ARHGEF28: variants seen among roughly 807,000 people sequenced by gnomAD.
ARHGEF28 encodes Rho guanine nucleotide exchange factor 28.
Under a neutral mutation model 206.6 loss-of-function variants are expected in ARHGEF28, and 152 were observed. The ratio of observed to expected loss-of-function variants is 0.74; its 90% CI spans 0.64 to 0.84. The LOEUF is 0.84. Among genes scored for constraint, ARHGEF28 ranks in the 40% least tolerant of loss-of-function variants. ARHGEF28 has a pLI of 0.00. For synonymous variants in ARHGEF28, 763 were observed against 776.4 expected (o/e 0.98, Z 0.29); for missense variants, 2,028 against 2,073.2 (o/e 0.98, Z 0.42).
chr5:73,815,916 C>T (rs1756175676), intron 9 of ARHGEF28, among the ~76,000 whole-genome samples: 1 of 152,144 alleles, frequency 6.6e-6, no homozygotes. Context: ...GATTGTTAGA[C>T]CATGTTTCAC....
chr5:73,773,627 C>G (rs1333884863), intron 4 of ARHGEF28, among the ~76,000 whole-genome samples: 1 of 152,186 alleles, frequency 6.6e-6, no homozygotes, highest in African/African-American at 2.4e-5. Flanking sequence ...GAACACTCTA[C>G]CTGTGCTCAG....
intron 2 of ARHGEF28, among the ~76,000 whole-genome samples, chr5:73,690,660 T>C (rs563044253): frequency 4.0e-5 from 6 of 151,628 alleles, no homozygotes; most frequent in Non-Finnish European, 8.8e-5. Flanking sequence ...ATCACACCAC[T>C]GCACTCCAGC....
chr5:73,789,675 A>T (rs1368549329), intron 7 of ARHGEF28, among the ~76,000 whole-genome samples: 4 of 151,688 alleles, frequency 2.6e-5, no homozygotes, highest in Non-Finnish European at 4.4e-5. Flanking sequence ...CCAAGTTTTT[A>T]TTTATTTTAT....
At chr5:73,694,464 T>A (rs1192677851) in intron 2 of ARHGEF28, among the ~76,000 whole-genome samples, 4 of 152,230 alleles carry the variant, frequency 2.6e-5, no homozygotes, top group Non-Finnish European at 5.9e-5. Flanking sequence ...ATATTTTTGT[T>A]CTGTTTGAGT....
intron 26 of ARHGEF28, among the ~76,000 whole-genome samples, chr5:73,889,706 C>T (rs1262076962): frequency 6.6e-6 from 1 of 152,242 alleles, no homozygotes; most frequent in Non-Finnish European, 1.5e-5. Flanking sequence ...AGGTCTTCAA[C>T]TCCTAATGCC....
chr5:73,714,790 G>A (rs1355920217), intron 2 of ARHGEF28, among the ~76,000 whole-genome samples: 1 of 151,992 alleles, frequency 6.6e-6, no homozygotes, highest in East Asian at 1.9e-4. Flanking sequence ...GCACCCCAAC[G>A]GTCCCTTGTG....
At position 73,940,976 on chromosome 5, in the gene ARHGEF28, C is replaced by A; in HGVS notation, c.5081C>A (p.Thr1694Asn). The A allele has an allele frequency of 6.5e-7, 1 of 1,526,904 alleles. No individual in the cohort carries two copies. The highest frequency in any genetic ancestry group is 8.7e-7 in the Non-Finnish European group (1 of 1,144,610). 94.6% of individuals were successfully genotyped at this position (1,526,904 alleles called of 1,614,324 possible). ...TRTMTRQDGETGDGAKENIVY... is the reference protein window; with the variant it reads ...TRTMTRQDGENGDGAKENIVY... ...ACAATGACCAGACAAGATGGGGAAA[C>A]TGGAGATGGAGCCAAAGAAAATATT... Residue 1694 changes from threonine to asparagine, a missense_variant, in exon 36 of 36, where the codon ACT becomes AAT. This residue lies in a region of ARHGEF28 where 803 missense variants were observed against 768.0 expected (regional missense o/e 1.05). Transcript: ENST00000513042.
intron 9 of ARHGEF28, among the ~76,000 whole-genome samples, chr5:73,796,138 C>T (rs1309789680): frequency 1.3e-5 from 2 of 152,198 alleles, no homozygotes; most frequent in Non-Finnish European, 2.9e-5. Flanking sequence ...CATAATGAAG[C>T]TAATGGGGTG....
At chr5:73,896,914 G>A (rs1345686291) in intron 29 of ARHGEF28, among the ~76,000 whole-genome samples, 3 of 152,204 alleles carry the variant, frequency 2.0e-5, no homozygotes, top group Non-Finnish European at 4.4e-5. Context: ...GAGGTGCTGC[G>A]TGAGCCGCAG....
chr5:73,869,037 A>G (rs536798221), intron 20 of ARHGEF28, among the ~76,000 whole-genome samples: 1 of 152,228 alleles, frequency 6.6e-6, no homozygotes, highest in East Asian at 1.9e-4. Context: ...AAGAAGGAAA[A>G]CCAAATGGAA....
chr5:73,744,514 C>T (rs1751613926), intron 2 of ARHGEF28, among the ~76,000 whole-genome samples: 2 of 151,402 alleles, frequency 1.3e-5, no homozygotes, highest in South Asian at 4.2e-4. Context: ...GTTCAGTACA[C>T]TTGTTCTACA....
intron 2 of ARHGEF28, among the ~76,000 whole-genome samples, chr5:73,701,238 G>GT (rs974115510): frequency 3.9e-5 from 6 of 152,156 alleles, no homozygotes; most frequent in Admixed American, 3.9e-4. Flanking sequence ...ATGTCATTGT[G>GT]TTTTTGAATT....
intron 14 of ARHGEF28, 66 bp from the exon 15 acceptor site, chr5:73,857,590 C>A (rs1759128310): frequency 1.4e-6 from 2 of 1,444,870 alleles, no homozygotes; most frequent in Non-Finnish European, 9.4e-7. Flanking sequence ...CACACACATA[C>A]ACACACACGT....
At chr5:73,885,810 G>A (rs1337283171) in intron 24 of ARHGEF28, 40 bp from the exon 25 acceptor site, 1 of 1,569,948 alleles carries the variant, frequency 6.4e-7, no homozygotes, top group Non-Finnish European at 8.6e-7. Flanking sequence ...CTGGTTTATT[G>A]TATAGTATTT....
chr5:73,806,440 A>G (rs1368896685), intron 9 of ARHGEF28, among the ~76,000 whole-genome samples: 1 of 129,258 alleles, frequency 7.7e-6, no homozygotes, highest in Non-Finnish European at 1.6e-5. Context: ...TAGTATGTAT[A>G]TAGTATATAT....
At chr5:73,629,804 T>C (rs1743248154) in intron 1 of ARHGEF28, among the ~76,000 whole-genome samples, 1 of 152,216 alleles carries the variant, frequency 6.6e-6, no homozygotes, top group South Asian at 2.1e-4. Context: ...AAAATGTATT[T>C]TAATTTTCAG....
At chr5:73,870,958 G>A (rs1194775301) in intron 21 of ARHGEF28, among the ~76,000 whole-genome samples, 2 of 152,174 alleles carry the variant, frequency 1.3e-5, no homozygotes, top group Non-Finnish European at 2.9e-5. Flanking sequence ...CGGGCAGTGA[G>A]GATACCTTGT....
intron 8 of ARHGEF28, among the ~76,000 whole-genome samples, 159 bp downstream of exon 8, chr5:73,794,613 T>C (rs1754689008): frequency 1.3e-5 from 2 of 150,480 alleles, no homozygotes; most frequent in Admixed American, 6.6e-5. Context: ...TCTTTCTTTT[T>C]TTTTTTTTTT....
chr5:73,702,421 C>T (rs911464647), intron 2 of ARHGEF28, among the ~76,000 whole-genome samples: 4 of 152,174 alleles, frequency 2.6e-5, no homozygotes, highest in Admixed American at 2.6e-4. Flanking sequence ...TGAGTGATAA[C>T]TCCTCATCCT....
Sources: gnomAD v4.1 joint callset for allele counts (sites outside exome capture counted in the v4.1 genomes callset) on GRCh38, gnomAD v4.1.1 for gene constraint, gnomAD v4.1.1 regional missense constraint, MANE v1.5 for transcripts, NCBI Gene and HGNC (gene_info 2026-07-23, HGNC 2026-07-21) for gene names.